PPM1B: variants seen among roughly 807,000 people sequenced by gnomAD.
The protein encoded by PPM1B is protein phosphatase 1B.
PPM1B carries 22 observed loss-of-function variants against 43.0 expected under a neutral mutation model. The ratio of observed to expected loss-of-function variants is 0.51; its 90% CI spans 0.37 to 0.73. PPM1B has a LOEUF of 0.73. PPM1B is among the 30% of genes least tolerant of loss of function. The probability of loss-of-function intolerance (pLI) is 0.00; values close to 1 mark genes in which losing one functional copy is unlikely to be tolerated. For missense variants in PPM1B, 632 were observed against 584.2 expected, an observed-to-expected ratio of 1.08 and a Z score of -0.84; for synonymous variants, 217 against 197.9, an observed-to-expected ratio of 1.10 and a Z score of -0.81.
In PPM1B at chr2:44,201,083, T is replaced by C; in HGVS notation, c.-14-103T>C. ...TTGCTCCCGTAAATTAGGATAATAC[T>C]AAAAAAAATACTTGAGGTAGGAGTT... is the stretch of plus-strand genomic sequence containing the variant. On this transcript the variant is annotated intron_variant, in intron 1 of 5. Transcript: ENST00000282412. This position sits in a 1 kb window ranked among gnomAD's most constrained non-coding sequence, Gnocchi z 5.4. The C allele has an allele frequency of 8.2e-7, 1 of 1,223,212 alleles. No homozygotes were observed. Among genetic ancestry groups the C allele is most frequent in the Non-Finnish European group, 1.1e-6 (1 of 900,708 alleles). The allele number at this position is 1,223,212 out of a possible 1,614,324, so 75.8% of individuals were successfully genotyped here.
Position 44,175,119 on chromosome 2 carries a change from C to T in PPM1B, c.-15+5845C>T, listed in dbSNP as rs192515722. On this transcript the variant is annotated intron_variant, in intron 1 of 5. Coordinates refer to ENST00000282412, the MANE Select transcript of PPM1B (RefSeq NM_002706.6). ...AATACAGAAAATTAGCTGGGTGTGG[C>T]GGCATGTGCCTGTAATCCTAGCTAC... Among the ~76,000 whole-genome samples the T allele has an allele frequency of 3.9e-3, 596 of 152,088 alleles. 1 individual carries two copies. Among genetic ancestry groups the T allele is most frequent in the African/African-American group, 0.014 (561 of 41,488 alleles).
chr2:44,170,672 ATTG>A (rs534283667), intron 1 of PPM1B, among the ~76,000 whole-genome samples: 581 of 152,302 alleles, frequency 3.8e-3, no homozygotes, highest in African/African-American at 0.013. Context: ...CAAAGTTCCT[ATTG>A]TTGGCCTACT....
In PPM1B at chr2:44,176,786, C is replaced by G. The variant is rs140482945; in HGVS notation, c.-15+7512C>G. Among the ~76,000 whole-genome samples the G allele has an allele frequency of 3.9e-3, 591 of 152,276 alleles. 1 individual carries two copies. Among genetic ancestry groups the G allele is most frequent in the African/African-American group, 0.014 (561 of 41,548 alleles). On this transcript the variant is annotated intron_variant, in intron 1 of 5. Coordinates refer to ENST00000282412, the MANE Select transcript of PPM1B (RefSeq NM_002706.6). ...TTTGATCTTCATTGCTAAAGTGAAT[C>G]AAGATTGATTTTTTTAATTTTAAAG...
At chr2:44,192,970 T>C (rs940311055) in intron 1 of PPM1B, among the ~76,000 whole-genome samples, 1 of 152,212 alleles carries the variant, frequency 6.6e-6, no homozygotes, top group Admixed American at 6.5e-5. Flanking sequence ...CATTCATTCA[T>C]TGATGGACAC....
intron 1 of PPM1B, among the ~76,000 whole-genome samples, chr2:44,180,009 CAAAAA>C (rs766537523): frequency 2.4e-5 from 2 of 83,672 alleles, no homozygotes; most frequent in Non-Finnish European, 2.5e-5. Context: ...AACTTCGTTC[CAAAAA>C]AAAAAAAAAA....
At chr2:44,185,256 A>G (rs1291977363) in intron 1 of PPM1B, among the ~76,000 whole-genome samples, 1 of 152,152 alleles carries the variant, frequency 6.6e-6, no homozygotes, top group African/African-American at 2.4e-5. Flanking sequence ...AAGCATGACA[A>G]GTGACGTTAA....
chr2:44,188,763 TTTCCTTCC>T (rs528327372), intron 1 of PPM1B, among the ~76,000 whole-genome samples: 6 of 139,598 alleles, frequency 4.3e-5, no homozygotes, highest in African/African-American at 1.3e-4. Context: ...TCCTTCCTTC[TTTCCTTCC>T]TTCCTTCCTT....
At position 44,186,877 on chromosome 2, in the gene PPM1B, A is replaced by G. The variant is rs963959943; in HGVS notation, c.-14-14309A>G. Among the ~76,000 whole-genome samples the G allele has an allele frequency of 3.3e-5, 5 of 152,346 alleles. No individual in the cohort carries two copies. In the South Asian group the frequency reaches 8.3e-4, roughly 25 times the overall value. ...CCCCCAAAAGCTTAAATAAAATTTA[A>G]TTGTAGTACAAAAAGCACATAATAC... On this transcript the variant is annotated intron_variant, in intron 1 of 5. Coordinates refer to ENST00000282412, the MANE Select transcript of PPM1B (RefSeq NM_002706.6).
chr2:44,218,407 G>A, intron 4 of PPM1B, 73 bp from the exon 5 acceptor site: 1 of 1,156,242 alleles, frequency 8.6e-7, no homozygotes, highest in Non-Finnish European at 1.3e-6. Context: ...TGGTCAGGAT[G>A]AAATATTGAG....
chr2:44,199,872 A>T (rs1361309766), intron 1 of PPM1B, among the ~76,000 whole-genome samples: 1 of 152,156 alleles, frequency 6.6e-6, no homozygotes, highest in Non-Finnish European at 1.5e-5. Context: ...ATATATATCG[A>T]GTGGTTCATC....
At chr2:44,172,649 G>A (rs763364257) in intron 1 of PPM1B, among the ~76,000 whole-genome samples, 1 of 152,102 alleles carries the variant, frequency 6.6e-6, no homozygotes, top group African/African-American at 2.4e-5. Context: ...TTTCTAGGCC[G>A]GGCACAGTGG....
intron 3 of PPM1B, among the ~76,000 whole-genome samples, chr2:44,216,143 A>G (rs531687387): frequency 2.0e-4 from 31 of 152,360 alleles, no homozygotes; most frequent in Middle Eastern, 3.4e-3. Context: ...TAGTTGCTGT[A>G]TGGAGAAGAG....
intron 3 of PPM1B, among the ~76,000 whole-genome samples, chr2:44,216,165 G>T (rs368656155): frequency 6.6e-6 from 1 of 152,148 alleles, no homozygotes; most frequent in East Asian, 1.9e-4. Flanking sequence ...TTGTATAAAA[G>T]GGACAAGAGA....
At position 44,201,117 on chromosome 2, in the gene PPM1B, A is replaced by G; in HGVS notation, c.-14-69A>G. The G allele has an allele frequency of 2.1e-6, 3 of 1,426,170 alleles. No homozygotes were observed. Among genetic ancestry groups the G allele is most frequent in the East Asian group, 2.3e-5 (1 of 43,350 alleles). 88.3% of individuals were successfully genotyped at this position (1,426,170 alleles called of 1,614,324 possible). Reference sequence around the variant, plus strand: ...TACTTGAGGTAGGAGTTACTAGACTATAGAGGGAATATTGTACATACATTT... The same window carrying G: ...TACTTGAGGTAGGAGTTACTAGACTGTAGAGGGAATATTGTACATACATTT... On this transcript the variant is annotated intron_variant, in intron 1 of 5. Coordinates refer to ENST00000282412, the MANE Select transcript of PPM1B (RefSeq NM_002706.6). The surrounding 1 kb of genome is among the most constrained non-coding windows in gnomAD (Gnocchi z 5.4).
chr2:44,184,571 G>A (rs572800944), intron 1 of PPM1B, among the ~76,000 whole-genome samples: 2 of 152,160 alleles, frequency 1.3e-5, no homozygotes, highest in African/African-American at 4.8e-5. Flanking sequence ...ACTCCTGAAT[G>A]CTTTATTTCT....
At chr2:44,224,656 G>C (rs1670133921) in intron 5 of PPM1B, among the ~76,000 whole-genome samples, 1 of 151,226 alleles carries the variant, frequency 6.6e-6, no homozygotes, top group African/African-American at 2.4e-5. Flanking sequence ...CATCATGAGA[G>C]ATTCGACTTT....
intron 5 of PPM1B, among the ~76,000 whole-genome samples, chr2:44,228,473 A>G (rs1670324686): frequency 6.6e-6 from 1 of 152,134 alleles, no homozygotes; most frequent in South Asian, 2.1e-4. Context: ...CTCCTGGCCA[A>G]TGAGGGCAAC....
At chr2:44,213,084 A>C (rs1192004650) in intron 3 of PPM1B, among the ~76,000 whole-genome samples, 1 of 149,178 alleles carries the variant, frequency 6.7e-6, no homozygotes, top group African/African-American at 2.5e-5. Flanking sequence ...AGAAAATGAA[A>C]ATTTTTCAGT....
chr2:44,213,185 A>G (rs1048102916), intron 3 of PPM1B, among the ~76,000 whole-genome samples: 1 of 140,952 alleles, frequency 7.1e-6, no homozygotes, highest in African/African-American at 2.7e-5. Flanking sequence ...TTGGTTTTAT[A>G]TATGCTGTTT....
Sources: gnomAD v4.1 joint callset for allele counts (sites outside exome capture counted in the v4.1 genomes callset) on GRCh38, gnomAD v4.1.1 for gene constraint, Gnocchi (gnomAD v3.1) non-coding constraint, MANE v1.5 for transcripts, NCBI Gene and HGNC (gene_info 2026-07-23, HGNC 2026-07-21) for gene names.